The following TENM2 variants were observed in gnomAD, a reference collection of about 807,000 sequenced individuals.
TENM2 encodes teneurin transmembrane protein 2.
In TENM2, 52 loss-of-function variants were observed where a neutral mutation model predicts 245.2. That is an observed-to-expected ratio of 0.21 (90% CI 0.17 to 0.27). The LOEUF (loss-of-function observed/expected upper bound fraction) is 0.27. Among genes scored for constraint, TENM2 ranks in the 10% least tolerant of loss-of-function variants. TENM2 has a pLI of 1.00. For missense variants in TENM2, 3,046 were observed against 3,666.8 expected (o/e 0.83, Z 4.37); for synonymous variants, 1,363 against 1,438.9 (o/e 0.95, Z 1.19).
chr5:167,945,665 G>A (rs1779558990), intron 3 of TENM2, among the ~76,000 whole-genome samples: 1 of 152,158 alleles, frequency 6.6e-6, no homozygotes, highest in South Asian at 2.1e-4. Flanking sequence ...GCTATGCAGT[G>A]TTGATCTGTG....
intron 2 of TENM2, among the ~76,000 whole-genome samples, chr5:167,581,002 A>G (rs1775055406): frequency 6.6e-6 from 1 of 152,186 alleles, no homozygotes. Flanking sequence ...AAATCAAAAA[A>G]ACGGGAACCA....
intron 2 of TENM2, among the ~76,000 whole-genome samples, chr5:167,659,233 G>T (rs1755047277): frequency 6.6e-6 from 1 of 152,128 alleles, no homozygotes; most frequent in African/African-American, 2.4e-5. Flanking sequence ...AATTCCTGTG[G>T]AACAAAGATA....
intron 2 of TENM2, among the ~76,000 whole-genome samples, chr5:167,763,374 T>C (rs938810758): frequency 1.1e-4 from 17 of 152,304 alleles, no homozygotes; most frequent in Non-Finnish European, 1.8e-4. Flanking sequence ...AGATTCTTTA[T>C]GCTGAGAGTT....
At chr5:168,020,223 G>A (rs1189054387) in intron 5 of TENM2, among the ~76,000 whole-genome samples, 1 of 152,146 alleles carries the variant, frequency 6.6e-6, no homozygotes, top group Non-Finnish European at 1.5e-5. Context: ...GACAAGGTTA[G>A]GGGCTACAAG....
At chr5:168,194,972 C>T (rs1761282423) in intron 14 of TENM2, among the ~76,000 whole-genome samples, 1 of 152,148 alleles carries the variant, frequency 6.6e-6, no homozygotes, top group South Asian at 2.1e-4. Context: ...CAGGAGACCC[C>T]TGGGCCCAGC....
In TENM2 at chr5:168,134,635, C is replaced by T. The variant is rs1053460739; in HGVS notation, c.2422+7669C>T. ...TCGGGAGGCAGAGGTTGCAGTGAGC[C>T]GAGATTGCGCCATTGCACTCCAGCC... is the stretch of plus-strand genomic sequence containing the variant. On this transcript the variant is annotated intron_variant, in intron 12 of 28. Coordinates refer to ENST00000518659, the Ensembl canonical transcript of TENM2. Among the ~76,000 whole-genome samples, 7 of 152,154 alleles carry T rather than the reference C, an allele frequency of 4.6e-5. No homozygotes were observed. In the South Asian group the frequency reaches 1.0e-3, roughly 23 times the overall value.
At chr5:167,480,174 G>A (rs183659347) in intron 2 of TENM2, among the ~76,000 whole-genome samples, 1 of 152,302 alleles carries the variant, frequency 6.6e-6, no homozygotes. Context: ...AGTCAGTTAT[G>A]TCTTCTTTTC....
Position 168,244,291 on chromosome 5 carries a change from T to G in TENM2, c.5521-129T>G. The G allele has an allele frequency of 1.3e-6, 1 of 790,170 alleles. No individual in the cohort carries two copies. Among genetic ancestry groups the G allele is most frequent in the Non-Finnish European group, 1.8e-6 (1 of 546,682 alleles). The allele number at this position is 790,170 out of a possible 1,614,324, so 48.9% of individuals were successfully genotyped here. On this transcript the variant is annotated intron_variant, in intron 25 of 28. Coordinates refer to ENST00000518659, the Ensembl canonical transcript of TENM2. This position sits in a 1 kb window ranked among gnomAD's most constrained non-coding sequence, Gnocchi z 4.9. Reference sequence around the variant, plus strand: ...ATAAGGAGCTTAGAAAGCACTACTCTAACTTTGGGGTTATTTCTTCCTCCA... The same window carrying G: ...ATAAGGAGCTTAGAAAGCACTACTCGAACTTTGGGGTTATTTCTTCCTCCA...
At chr5:167,214,211 C>G in the TENM2 span, among the ~76,000 whole-genome samples, 1 of 152,160 alleles carries the variant, frequency 6.6e-6, no homozygotes, top group African/African-American at 2.4e-5. Flanking sequence ...TGATTTACAG[C>G]ATTTGCCCCA....
At chr5:167,934,884 A>T (rs1778575940) in intron 3 of TENM2, 1 of 985,444 alleles carries the variant, frequency 1.0e-6, no homozygotes. Context: ...GTTCGGCAGG[A>T]CGGGTGTGCA....
At chr5:168,062,208 G>A (rs574501810) in exon 7 of TENM2, 1 of 1,613,730 alleles carries the variant, frequency 6.2e-7, no homozygotes, top group Non-Finnish European at 8.5e-7. Context: ...TCTCCCTCGG[G>A]AAGGACGCTC....
chr5:167,194,265 C>T, the TENM2 span, among the ~76,000 whole-genome samples: 1 of 152,032 alleles, frequency 6.6e-6, no homozygotes, highest in East Asian at 1.9e-4. Context: ...ATATCAGACT[C>T]ATTTGCTTCA....
At chr5:167,105,903 AAAAAAAAAAAAAAAAAAAAAAAAAG>A in the TENM2 span, among the ~76,000 whole-genome samples, 5 of 63,982 alleles carry the variant, frequency 7.8e-5, no homozygotes, top group African/African-American at 1.9e-4. Context: ...AAAAAAAAAA[AAAAAAAAAAAAAAAAAAAAAAAAAG>A]AAAGTGATCA....
At chr5:167,735,949 G>A (rs766531551) in intron 2 of TENM2, among the ~76,000 whole-genome samples, 21 of 152,176 alleles carry the variant, frequency 1.4e-4, no homozygotes, top group African/African-American at 1.9e-4. Context: ...ACAATCTAGG[G>A]GGGAAAATAA....
chr5:167,080,001 G>T, the TENM2 span, among the ~76,000 whole-genome samples: 1 of 152,174 alleles, frequency 6.6e-6, no homozygotes, highest in Non-Finnish European at 1.5e-5. Flanking sequence ...GTTATATGTG[G>T]ATTAAACTGA....
At chr5:167,743,128 T>C (rs1761308872) in intron 2 of TENM2, among the ~76,000 whole-genome samples, 1 of 152,310 alleles carries the variant, frequency 6.6e-6, no homozygotes, top group East Asian at 1.9e-4. Flanking sequence ...TGTCTTTTAG[T>C]ATAAGACCTG....
chr5:168,190,168 T>C (rs1760822041), intron 13 of TENM2, among the ~76,000 whole-genome samples, 169 bp from the exon 16 acceptor site: 2 of 152,222 alleles, frequency 1.3e-5, no homozygotes, highest in African/African-American at 2.4e-5. Context: ...TTATTTTCTA[T>C]GTGTATGGAT....
At chr5:167,473,797 A>G (rs144824051) in intron 2 of TENM2, among the ~76,000 whole-genome samples, 1 of 152,230 alleles carries the variant, frequency 6.6e-6, no homozygotes, top group Non-Finnish European at 1.5e-5. Flanking sequence ...TCAAAATTGT[A>G]CCTATCTTAT....
chr5:167,431,961 G>GTGTATATA (rs982005904), intron 2 of TENM2, among the ~76,000 whole-genome samples: 2 of 43,602 alleles, frequency 4.6e-5, no homozygotes, highest in African/African-American at 1.0e-4. Context: ...ATATATATAT[G>GTGTATATA]TATATATATA....
Sources: gnomAD v4.1 joint callset for allele counts (sites outside exome capture counted in the v4.1 genomes callset) on GRCh38, gnomAD v4.1.1 for gene constraint, Gnocchi (gnomAD v3.1) non-coding constraint, MANE v1.5 for transcripts, NCBI Gene and HGNC (gene_info 2026-07-23, HGNC 2026-07-21) for gene names.